LAMA5: variants seen among roughly 807,000 people sequenced by gnomAD.
LAMA5 encodes the protein laminin subunit alpha-5.
In LAMA5, 260 loss-of-function variants were observed where a neutral mutation model predicts 433.4. That is an observed-to-expected ratio of 0.60 (90% confidence interval 0.54 to 0.66). The LOEUF (loss-of-function observed/expected upper bound fraction) is 0.66, where lower values mean the gene tolerates loss of function less well. LAMA5 is among the 30% of genes least tolerant of loss of function. The pLI, the probability that LAMA5 is intolerant of heterozygous loss-of-function variation, is 0.00. For synonymous variants in LAMA5, 2,620 were observed against 2,226.6 expected, an observed-to-expected ratio of 1.18 and a Z score of -4.97; for missense variants, 5,378 against 5,258.5, an observed-to-expected ratio of 1.02 and a Z score of -0.70.
chr20:62,327,915 C>T lies in LAMA5; in HGVS notation c.4748G>A (p.Gly1583Asp), dbSNP rs1316892264. 5 of 1,611,972 alleles carry T rather than the reference C, an allele frequency of 3.1e-6. No homozygotes were observed. Among genetic ancestry groups the T allele is most frequent in the Non-Finnish European group, 4.2e-6 (5 of 1,179,802 alleles). Residue 1583 changes from glycine to aspartate, a missense_variant, in exon 36 of 80, where the codon GGC becomes GAC. Coordinates refer to ENST00000252999, the MANE Select transcript of LAMA5 (RefSeq NM_005560.6). ...RCRPCDCHEAGTAPGVCDPLT... is the reference protein window; with the variant it reads ...RCRPCDCHEADTAPGVCDPLT... ...GGGGTCACACACGCCAGGCGCAGTG[C>T]CCGCCTCGTGACAGTCACAGGGGCG...
At position 62,351,899 on chromosome 20, in the gene LAMA5, GGC is replaced by G. The variant is rs1259410434; in HGVS notation, c.858+8_858+9del. 6.3e-7 allele frequency: 1 copy of G among 1,593,278 alleles called. No individual in the cohort carries two copies. The highest frequency in any genetic ancestry group is 8.5e-7 in the Non-Finnish European group (1 of 1,171,278). On this transcript the variant is annotated splice_region_variant and intron_variant, in intron 5 of 79. Coordinates refer to ENST00000252999, the MANE Select transcript of LAMA5 (RefSeq NM_005560.6). ...GTCCCCCTCCCCCGCCTGCGCCATG[GGC>G]AGCTCACCCGGCGGGTGACCGTGGG... is the stretch of plus-strand genomic sequence containing the variant.
chr20:62,311,816 T>TTGCCCCC, intron 70 of LAMA5, 32 bp from the exon 71 acceptor site: 8 of 1,521,002 alleles, frequency 5.3e-6, no homozygotes, highest in Non-Finnish European at 7.1e-6. Flanking sequence ...GCTCGGTTTT[T>TTGCCCCC]CCCCACCCTG....
Position 62,313,631 on chromosome 20 carries a change from C to T in LAMA5, c.8658+18G>A, listed in dbSNP as rs1184760704. 6.2e-7 allele frequency: 1 copy of T among 1,611,688 alleles called. No individual in the cohort carries two copies. Among genetic ancestry groups the T allele is most frequent in the East Asian group, 2.2e-5 (1 of 44,868 alleles). On this transcript the variant is annotated intron_variant, in intron 63 of 79. Coordinates refer to ENST00000252999, the MANE Select transcript of LAMA5 (RefSeq NM_005560.6). ...CTGCGGAGCCCCTCCCAGGCTGCCCCAGGCCGGGCGGGCTCACCGTGAAGG... is the reference window on the plus strand; with the variant it reads ...CTGCGGAGCCCCTCCCAGGCTGCCCTAGGCCGGGCGGGCTCACCGTGAAGG...
chr20:62,322,655 T>G lies in LAMA5; in HGVS notation c.6165+3A>C. ...CCCAGCCCTGCTTACCCCACAGCCC[T>G]ACCTGGCAGCGGTCACAGCGCCGCC... On this transcript the variant is annotated splice_donor_region_variant and intron_variant, in intron 46 of 79. Coordinates refer to ENST00000252999, the MANE Select transcript of LAMA5 (RefSeq NM_005560.6). The G allele has an allele frequency of 9.2e-7, 1 of 1,091,858 alleles. No homozygotes were observed. Among genetic ancestry groups the G allele is most frequent in the Non-Finnish European group, 1.3e-6 (1 of 793,490 alleles). 67.6% of individuals were successfully genotyped at this position (1,091,858 alleles called of 1,614,324 possible).
chr20:62,345,727 G>A (rs1230933439), intron 11 of LAMA5, 91 bp downstream of exon 11: 9 of 911,068 alleles, frequency 9.9e-6, no homozygotes, highest in African/African-American at 1.6e-5. Context: ...GTGACCAAAT[G>A]AAAATCCTCC....
rs1204041545 is a variant in LAMA5, at chr20:62,330,369, G to A, written c.3979+119C>T. 1.3e-5 allele frequency: 18 copies of A among 1,348,418 alleles called. No homozygotes were observed. The East Asian group carries it at 1.5e-4, about 12-fold the overall frequency. The allele number at this position is 1,348,418 out of a possible 1,614,324, so 83.5% of individuals were successfully genotyped here. ...AAGGGCAGCTAGTTTGAGAACTGAT[G>A]GCAGGACAGAGTCATGTTGCCTGTC... On this transcript the variant is annotated intron_variant, in intron 31 of 79. Transcript: ENST00000252999.
At chr20:62,336,185 C>G (rs1483223516) in intron 18 of LAMA5, among the ~76,000 whole-genome samples, 155 bp downstream of exon 18, 1 of 149,916 alleles carries the variant, frequency 6.7e-6, no homozygotes, top group African/African-American at 2.5e-5. Flanking sequence ...GGGTACAATC[C>G]CCGAGGAACC....
rs768551124 is a variant in LAMA5 at position 62,327,918 on chromosome 20, G to T, written c.4745C>A (p.Ala1582Glu). Residue 1582 changes from alanine (A) to glutamate (E), a missense_variant, in exon 36 of 80, where the codon GCG becomes GAG. Transcript: ENST00000252999. ...PRCRPCDCHEAGTAPGVCDPL... is the reference protein window; with the variant it reads ...PRCRPCDCHEEGTAPGVCDPL... Reference sequence around the variant, plus strand: ...GTCACACACGCCAGGCGCAGTGCCCGCCTCGTGACAGTCACAGGGGCGGCA... The same window carrying T: ...GTCACACACGCCAGGCGCAGTGCCCTCCTCGTGACAGTCACAGGGGCGGCA... The T allele has an allele frequency of 1.2e-6, 2 of 1,612,134 alleles. No homozygotes were observed. The highest frequency in any genetic ancestry group is 2.7e-5 in the African/African-American group (2 of 74,906).
Position 62,328,961 on chromosome 20 carries a change from C to T in LAMA5, c.4330G>A (p.Gly1444Ser). The T allele has an allele frequency of 6.2e-7, 1 of 1,612,432 alleles. No individual in the cohort carries two copies. The highest frequency in any genetic ancestry group is 8.5e-7 in the Non-Finnish European group (1 of 1,179,698). ...GARPCGCHEVGATGPTCEPFG... is the reference protein window; with the variant it reads ...GARPCGCHEVSATGPTCEPFG... ...GGCTCACACGTGGGGCCTGTAGCACCTACTTCGTGGCAGCCACATGGACGG... is the reference window on the plus strand; with the variant it reads ...GGCTCACACGTGGGGCCTGTAGCACTTACTTCGTGGCAGCCACATGGACGG... The change falls in exon 34 of 80, where the codon GGT (glycine) becomes AGT (serine). Residue 1444 changes from glycine to serine, a missense_variant. Coordinates refer to ENST00000252999, the MANE Select transcript of LAMA5 (RefSeq NM_005560.6).
Position 62,333,667 on chromosome 20 carries a change from G to C in LAMA5, c.2918C>G (p.Thr973Arg), listed in dbSNP as rs548504646. Residue 973 changes from threonine (T) to arginine (R), a missense_variant, in exon 24 of 80, where the codon ACG becomes AGG. Coordinates refer to ENST00000252999, the MANE Select transcript of LAMA5 (RefSeq NM_005560.6). ...GGGCACGGTGATGAAGGCAGGCTCC[G>C]TGCTGGGTGGGAAGGCCACGGGCTG... ...QSQPVAFPPSTEPAFITVPQR... is the reference protein window; with the variant it reads ...QSQPVAFPPSREPAFITVPQR... 2 of 1,595,118 alleles carry C rather than the reference G, an allele frequency of 1.3e-6. No individual in the cohort carries two copies. The highest frequency in any genetic ancestry group is 1.7e-6 in the Non-Finnish European group (2 of 1,172,672).
intron 6 of LAMA5, among the ~76,000 whole-genome samples, chr20:62,347,394 G>A (rs1291689040): frequency 2.0e-5 from 3 of 152,152 alleles, no homozygotes; most frequent in Non-Finnish European, 4.4e-5. Flanking sequence ...TGCAGGTCAG[G>A]ATGGAGACCT....
rs1262340505 is a variant in LAMA5 at position 62,333,723 on chromosome 20, GT to G, written c.2879-18del. 1.3e-6 allele frequency: 2 copies of G among 1,569,218 alleles called. No homozygotes were observed. Among genetic ancestry groups the G allele is most frequent in the African/African-American group, 2.7e-5 (2 of 74,530 alleles). ...GTGCTGTGCCTGGGCGGGGGCAGGG[GT>G]GAGACTCCTGAGCCCAGCCCTTGGG... On this transcript the variant is annotated intron_variant, in intron 23 of 79. Transcript: ENST00000252999.
At chr20:62,345,223 G>T (rs1362907355) in intron 11 of LAMA5, among the ~76,000 whole-genome samples, 1 of 151,168 alleles carries the variant, frequency 6.6e-6, no homozygotes, top group Non-Finnish European at 1.5e-5. Context: ...GGCTGGCCTT[G>T]AACTCCTGAC....
rs1568936340 is a variant in LAMA5, at chr20:62,330,509, T to G, written c.3958A>C (p.Asn1320His). ...HPTFPVEVLI[N>H]AGRVWQGHAN... ...TCACCCTGCCACACGCGGCCGGCGT[T>G]GATGAGGACTTCCACGGGGAAGGTG... is the stretch of plus-strand genomic sequence containing the variant. Residue 1320 changes from asparagine to histidine, a missense_variant, in exon 31 of 80, where the codon AAC becomes CAC. Coordinates refer to ENST00000252999, the MANE Select transcript of LAMA5 (RefSeq NM_005560.6). 1 of 1,566,480 alleles carries G rather than the reference T, an allele frequency of 6.4e-7. No individual in the cohort carries two copies. The highest frequency in any genetic ancestry group is 8.7e-7 in the Non-Finnish European group (1 of 1,155,750).
intron 2 of LAMA5, chr20:62,356,584 C>T (rs1268929041): frequency 6.6e-6 from 1 of 152,314 alleles, no homozygotes; most frequent in African/African-American, 2.4e-5. Flanking sequence ...GTCCCCACTA[C>T]CCAGCTTGCC....
chr20:62,336,657 G>A, intron 17 of LAMA5, 77 bp downstream of exon 17: 1 of 1,520,112 alleles, frequency 6.6e-7, no homozygotes, highest in East Asian at 2.3e-5. Flanking sequence ...AGGAAGCCCT[G>A]GTCTCACCGG....
rs34102933 is a variant in LAMA5 at position 62,313,865 on chromosome 20, G to A, written c.8505-63C>T. ...GAGATGAGGGGTGGCGAGTGGGCAC[G>A]GAGAGATGAGGGGTGGCGAGTGGGC... On this transcript the variant is annotated intron_variant, in intron 62 of 79. Coordinates refer to ENST00000252999, the MANE Select transcript of LAMA5 (RefSeq NM_005560.6). 0.15 allele frequency: 128,553 copies of A among 883,268 alleles called. 15,470 individuals are homozygous for A. Among genetic ancestry groups the A allele is most frequent in the Middle Eastern group, 0.19 (674 of 3,522 alleles). The allele number at this position is 883,268 out of a possible 1,614,324, so 54.7% of individuals were successfully genotyped here. A position where few individuals can be genotyped will look rare whatever the true frequency, so the allele number is the denominator to read the frequency against.
Position 62,362,516 on chromosome 20 carries a change from T to C in LAMA5, c.334A>G (p.Asn112Asp), listed in dbSNP as rs910734348. 6 of 1,601,914 alleles carry C rather than the reference T, an allele frequency of 3.7e-6. No individual in the cohort carries two copies. Among genetic ancestry groups the C allele is most frequent in the Non-Finnish European group, 5.1e-6 (6 of 1,173,422 alleles). Residue 112 changes from asparagine (N) to aspartate (D), a missense_variant, in exon 2 of 80, where the codon AAC (asparagine) becomes GAC (aspartate). Physicochemically the swap from Asn to Asp is conservative, Grantham distance 23. Coordinates refer to ENST00000252999, the MANE Select transcript of LAMA5 (RefSeq NM_005560.6). Reference protein sequence around the residue: ...YCDICTAANSNKAHPASNAID... With the variant: ...YCDICTAANSDKAHPASNAID... ...GCATTGCTCGCGGGGTGTGCCTTGTTGCTGTTGGCAGCCGTGCAGATGTCA... is the reference window on the plus strand; with the variant it reads ...GCATTGCTCGCGGGGTGTGCCTTGTCGCTGTTGGCAGCCGTGCAGATGTCA...
At chr20:62,336,307 C>A (rs749010111) in intron 18 of LAMA5, 33 bp downstream of exon 18, 1 of 1,462,322 alleles carries the variant, frequency 6.8e-7, no homozygotes, top group South Asian at 1.2e-5. Context: ...CCCCAAGGAA[C>A]CCCTGTACCC....
Sources: gnomAD v4.1 joint callset for allele counts (sites outside exome capture counted in the v4.1 genomes callset) on GRCh38, gnomAD v4.1.1 for gene constraint, MANE v1.5 for transcripts, NCBI Gene and HGNC (gene_info 2026-07-23, HGNC 2026-07-21) for gene names.